PPARGC1B: variants seen among roughly 807,000 people sequenced by gnomAD.
PPARGC1B encodes peroxisome proliferator-activated receptor gamma coactivator 1-beta.
In PPARGC1B, 34 loss-of-function variants were observed where a neutral mutation model predicts 101.6. That is an observed-to-expected ratio of 0.33 (90% CI 0.25 to 0.45). The LOEUF (loss-of-function observed/expected upper bound fraction) is 0.45. Ranked by LOEUF, PPARGC1B falls within the 20% of genes least tolerant of loss-of-function variation. The pLI, the probability that PPARGC1B is intolerant of heterozygous loss-of-function variation, is 1.00. For synonymous variants in PPARGC1B, 548 were observed against 539.3 expected (o/e 1.02, Z -0.22); for missense variants, 1,234 against 1,317.6 (o/e 0.94, Z 0.98).
intron 1 of PPARGC1B, among the ~76,000 whole-genome samples, chr5:149,762,185 G>T (rs1188394515): frequency 9.6e-4 from 139 of 144,784 alleles, no homozygotes; most frequent in African/African-American, 3.2e-3. Flanking sequence ...GATGGAGTCT[G>T]TCTCCTGGGC....
At chr5:149,840,190 A>C in intron 9 of PPARGC1B, 74 bp downstream of exon 9, 2 of 1,431,908 alleles carry the variant, frequency 1.4e-6, no homozygotes, top group Non-Finnish European at 1.9e-6. Flanking sequence ...TCATGGACCA[A>C]AGCCTTTTGA....
intron 2 of PPARGC1B, among the ~76,000 whole-genome samples, chr5:149,823,054 C>T (rs1012600854): frequency 3.3e-5 from 5 of 152,306 alleles, no homozygotes; most frequent in Admixed American, 6.5e-5. Flanking sequence ...GGGACAGGGA[C>T]GTTGCCTTCC....
At position 149,833,220 on chromosome 5, in the gene PPARGC1B, G is replaced by T. The variant is rs1758879451; in HGVS notation, c.1147G>T (p.Ala383Ser). 6.2e-7 allele frequency: 1 copy of T among 1,613,320 alleles called. No individual in the cohort carries two copies. The highest frequency in any genetic ancestry group is 8.5e-7 in the Non-Finnish European group (1 of 1,180,008). Residue 383 changes from alanine (A) to serine (S), a missense_variant, in exon 5 of 12, where the codon GCC becomes TCC. By Grantham distance (99) the Ala-to-Ser change is moderately conservative. Coordinates refer to ENST00000309241, the MANE Select transcript of PPARGC1B (RefSeq NM_133263.4). The surrounding 1 kb of genome is among the most constrained non-coding windows in gnomAD (Gnocchi z 4.1). ...SRPRPPKDSQ[A>S]SPGRPSSVEE... The stretch of plus-strand genomic sequence containing the variant: ...GCCCAGGCCCCCCAAAGACAGTCAG[G>T]CCTCCCCTGGTCGCCCGTCCTCGGT...
chr5:149,775,228 A>C (rs1756309984), intron 1 of PPARGC1B, among the ~76,000 whole-genome samples: 1 of 152,180 alleles, frequency 6.6e-6, no homozygotes, highest in South Asian at 2.1e-4. Context: ...CTGAGAATGC[A>C]CATTTTTCTG....
At chr5:149,781,550 A>G (rs1257847529) in intron 1 of PPARGC1B, among the ~76,000 whole-genome samples, 1 of 152,192 alleles carries the variant, frequency 6.6e-6, no homozygotes, top group Admixed American at 6.5e-5. Context: ...TGAAGCACGC[A>G]AGGGATGTTT....
intron 1 of PPARGC1B, among the ~76,000 whole-genome samples, chr5:149,733,784 A>G (rs1030665262): frequency 3.9e-5 from 6 of 152,254 alleles, no homozygotes; most frequent in African/African-American, 1.4e-4. Flanking sequence ...AATATGGGCT[A>G]TTTGAAGTTG....
intron 10 of PPARGC1B, 28 bp from the exon 11 acceptor site, chr5:149,845,732 A>G: frequency 6.3e-7 from 1 of 1,575,836 alleles, no homozygotes. Context: ...CAGCCCAATA[A>G]CATACTCTCC....
At chr5:149,752,377 T>C (rs1755343458) in intron 1 of PPARGC1B, among the ~76,000 whole-genome samples, 1 of 152,160 alleles carries the variant, frequency 6.6e-6, no homozygotes, top group Non-Finnish European at 1.5e-5. Context: ...GGGGAAGAGA[T>C]TGGTGGGGCT....
rs1428310148 is a variant in PPARGC1B, at chr5:149,837,591, C to T, written c.2618+518C>T. Among the ~76,000 whole-genome samples, 1 of 152,206 alleles carries T rather than the reference C, an allele frequency of 6.6e-6. No homozygotes were observed. The highest frequency in any genetic ancestry group is 1.5e-5 in the Non-Finnish European group (1 of 68,040). Reference sequence around the variant, plus strand: ...TTGTGCTGTGGCTTTCACCAGTTGGCTGCCCCTCGAAGGGCTTTGACCTCA... The same window carrying T: ...TTGTGCTGTGGCTTTCACCAGTTGGTTGCCCCTCGAAGGGCTTTGACCTCA... On this transcript the variant is annotated intron_variant, in intron 8 of 11. Transcript: ENST00000309241. This position sits in a 1 kb window ranked among gnomAD's most constrained non-coding sequence, Gnocchi z 4.2.
At position 149,832,716 on chromosome 5, in the gene PPARGC1B, G is replaced by A. The variant is rs763273879; in HGVS notation, c.643G>A (p.Glu215Lys). The A allele has an allele frequency of 5.0e-6, 8 of 1,595,794 alleles. No individual in the cohort carries two copies. Among genetic ancestry groups the A allele is most frequent in the Non-Finnish European group, 6.0e-6 (7 of 1,169,328 alleles). Residue 215 changes from glutamate to lysine, a missense_variant, in exon 5 of 12, where the codon GAA becomes AAA. By Grantham distance (56) the Glu-to-Lys change is moderately conservative (BLOSUM62 1). This residue lies in a region of PPARGC1B where 734 missense variants were observed against 768.4 expected (regional missense o/e 0.96). Coordinates refer to ENST00000309241, the MANE Select transcript of PPARGC1B (RefSeq NM_133263.4). The surrounding 1 kb of genome is among the most constrained non-coding windows in gnomAD (Gnocchi z 4.9). ...MMQSQSRSCT[E>K]LHKHLTSAQC... ...GCAGTCTCAGAGCCGAAGTTGTACA[G>A]AACTACATAAGCACCTCACCTCGGC...
intron 10 of PPARGC1B, among the ~76,000 whole-genome samples, chr5:149,844,819 T>C (rs1437237033): frequency 6.6e-6 from 1 of 152,230 alleles, no homozygotes; most frequent in Non-Finnish European, 1.5e-5. Context: ...GCAGATGATA[T>C]GTCAGTCGGG....
chr5:149,846,162 T>C (rs1759547293), intron 11 of PPARGC1B: 5 of 594,570 alleles, frequency 8.4e-6, no homozygotes, highest in Non-Finnish European at 1.5e-5. Context: ...TCCCACGGCC[T>C]CTAGGAAGAT....
At chr5:149,762,945 C>A (rs1166836978) in intron 1 of PPARGC1B, among the ~76,000 whole-genome samples, 2 of 152,190 alleles carry the variant, frequency 1.3e-5, no homozygotes, top group African/African-American at 4.8e-5. Flanking sequence ...CACCATTACA[C>A]CCAGCACATT....
chr5:149,814,040 A>G (rs1204012105), intron 1 of PPARGC1B, among the ~76,000 whole-genome samples: 1 of 152,220 alleles, frequency 6.6e-6, no homozygotes, highest in East Asian at 1.9e-4. Flanking sequence ...ACAAACATTC[A>G]GACCGTAGTA....
chr5:149,856,509 G>C (rs570658403), downstream of PPARGC1B, among the ~76,000 whole-genome samples: 1 of 152,284 alleles, frequency 6.6e-6, no homozygotes, highest in African/African-American at 2.4e-5. Flanking sequence ...CGTAGTGCAA[G>C]GAATAGGATG....
chr5:149,794,522 G>A lies in PPARGC1B; in HGVS notation c.79-25911G>A, dbSNP rs960354041. The stretch of plus-strand genomic sequence containing the variant: ...CATGCATACGCTCATGTATGTGAGC[G>A]TGCACACACACACACACACACACAC... On this transcript the variant is annotated intron_variant, in intron 1 of 11. Transcript: ENST00000309241. Among the ~76,000 whole-genome samples the A allele has an allele frequency of 7.3e-4, 50 of 68,294 alleles. No individual in the cohort carries two copies. The East Asian group carries it at 0.018, about 25-fold the overall frequency. The allele number at this position is 68,294 out of a possible 152,430, so 44.8% of individuals were successfully genotyped here. A position where few individuals can be genotyped will look rare whatever the true frequency, so the allele number is the denominator to read the frequency against.
At position 149,835,337 on chromosome 5, in the gene PPARGC1B, C is replaced by G. The variant is rs367887081; in HGVS notation, c.1779C>G (p.Thr593=). The change falls in exon 7 of 12, where the codon ACC becomes ACG. Residue 593 remains threonine, a synonymous_variant. Transcript: ENST00000309241. ...TTGGCAAGAAGAGCTTTGAGCAGAC[C>G]TTGACAGTGGAGCTCTGTGGCACAG... ...PTFGKKSFEQ[T]LTVELCGTAG... is the part of the protein sequence containing the mutation. 1 of 1,614,198 alleles carries G rather than the reference C, an allele frequency of 6.2e-7. No homozygotes were observed. The highest frequency in any genetic ancestry group is 2.2e-5 in the East Asian group (1 of 44,886).
chr5:149,800,178 C>A (rs72830248), intron 1 of PPARGC1B, among the ~76,000 whole-genome samples: 16,928 of 152,166 alleles, frequency 0.11, 1,270 homozygotes, highest in Admixed American at 0.23. Flanking sequence ...TTGCAATAAT[C>A]TATGGATATA....
intron 1 of PPARGC1B, among the ~76,000 whole-genome samples, chr5:149,802,856 C>T (rs1189564308): frequency 6.6e-6 from 1 of 151,994 alleles, no homozygotes; most frequent in African/African-American, 2.4e-5. Flanking sequence ...GTGTGAAGGG[C>T]TGCGGTATTT....
Sources: gnomAD v4.1 joint callset for allele counts (sites outside exome capture counted in the v4.1 genomes callset) on GRCh38, gnomAD v4.1.1 for gene constraint, gnomAD v4.1.1 regional missense constraint, Gnocchi (gnomAD v3.1) non-coding constraint, MANE v1.5 for transcripts, NCBI Gene and HGNC (gene_info 2026-07-23, HGNC 2026-07-21) for gene names.